Variants in WASF1 observed in about 807,000 individuals in gnomAD.
WASF1 encodes the protein WASP family member 1, also known as actin-binding protein WASF1.
Under a neutral mutation model 50.5 loss-of-function variants are expected in WASF1, and 7 were observed. The ratio of observed to expected loss-of-function variants is 0.14; its 90% CI spans 0.08 to 0.26. The LOEUF (loss-of-function observed/expected upper bound fraction) is 0.26, where lower values mean the gene tolerates loss of function less well. Among genes scored for constraint, WASF1 ranks in the 10% least tolerant of loss-of-function variants. The pLI is 1.00. For missense variants in WASF1, 470 were observed against 694.7 expected (o/e 0.68, Z 3.64); for synonymous variants, 205 against 244.0 (o/e 0.84, Z 1.49).
chr6:110,133,053 T>A (rs557957000), intron 3 of WASF1, among the ~76,000 whole-genome samples: 1 of 151,306 alleles, frequency 6.6e-6, no homozygotes, highest in African/African-American at 2.4e-5. Context: ...CTGGATGGAA[T>A]TGGAGACTAT....
intron 3 of WASF1, among the ~76,000 whole-genome samples, chr6:110,159,572 C>A (rs1015958142): frequency 1.3e-5 from 2 of 151,804 alleles, no homozygotes; most frequent in Admixed American, 6.6e-5. Flanking sequence ...CGGGCTATGG[C>A]CAGCAAACCA....
At chr6:110,120,144 C>T (rs1041596547) in intron 4 of WASF1, among the ~76,000 whole-genome samples, 4 of 152,086 alleles carry the variant, frequency 2.6e-5, no homozygotes, top group Non-Finnish European at 4.4e-5. Flanking sequence ...ACAATGATGC[C>T]GTCTCTCACC....
At chr6:110,135,986 C>A (rs1774948422) in intron 3 of WASF1, among the ~76,000 whole-genome samples, 3 of 149,478 alleles carry the variant, frequency 2.0e-5, no homozygotes, top group Admixed American at 6.8e-5. Context: ...CGGGTTCATG[C>A]CATTCTTCTG....
rs1036338037 is a variant in WASF1 at position 110,130,816 on chromosome 6, G to A, written c.-28-3187C>T. Among the ~76,000 whole-genome samples, 13 of 152,226 alleles carry A rather than the reference G, an allele frequency of 8.5e-5. No individual in the cohort carries two copies. In the East Asian group the frequency reaches 9.6e-4, roughly 11 times the overall value. On this transcript the variant is annotated intron_variant, in intron 3 of 10. Transcript: ENST00000392589. The stretch of plus-strand genomic sequence containing the variant: ...GAGACTGTACCAACACTTTACTTTC[G>A]GCAGTTAAGAGGCTGCTGCTCCACA...
chr6:110,164,846 T>C (rs763967179), intron 2 of WASF1, among the ~76,000 whole-genome samples: 2 of 151,408 alleles, frequency 1.3e-5, no homozygotes, highest in Non-Finnish European at 3.0e-5. Flanking sequence ...ACCCAAATAA[T>C]GGAATATTCA....
At chr6:110,136,008 C>T (rs960343922) in intron 3 of WASF1, among the ~76,000 whole-genome samples, 5 of 151,198 alleles carry the variant, frequency 3.3e-5, no homozygotes, top group Non-Finnish European at 7.4e-5. Context: ...CTCAGCCTCC[C>T]GAGTAGCTGG....
At chr6:110,134,329 TTA>T (rs767960662) in intron 3 of WASF1, among the ~76,000 whole-genome samples, 6 of 152,230 alleles carry the variant, frequency 3.9e-5, no homozygotes, top group African/African-American at 1.2e-4. Context: ...TTTCCCCACT[TTA>T]TGTTTTCATT....
chr6:110,151,590 A>G (rs910815689), intron 3 of WASF1, among the ~76,000 whole-genome samples: 24 of 152,176 alleles, frequency 1.6e-4, no homozygotes, highest in African/African-American at 5.8e-4. Context: ...CATCTCTTGC[A>G]CAAGTTTAAT....
intron 3 of WASF1, among the ~76,000 whole-genome samples, chr6:110,144,742 C>T (rs1775458025): frequency 2.0e-5 from 3 of 151,730 alleles, no homozygotes; most frequent in African/African-American, 7.2e-5. Flanking sequence ...ATTTCTTTAT[C>T]AGGTTTGTCA....
intron 3 of WASF1, among the ~76,000 whole-genome samples, chr6:110,149,268 C>T (rs556420090): frequency 9.5e-4 from 145 of 151,866 alleles, no homozygotes; most frequent in Non-Finnish European, 1.6e-3. Context: ...TTACCTATTT[C>T]AGCCTGAAGG....
chr6:110,124,955 G>A (rs553664745), intron 4 of WASF1, among the ~76,000 whole-genome samples: 17 of 152,176 alleles, frequency 1.1e-4, no homozygotes, highest in African/African-American at 3.9e-4. Flanking sequence ...AAAAGGTCAG[G>A]AAGATATCCA....
At chr6:110,143,083 A>C (rs902045732) in intron 3 of WASF1, among the ~76,000 whole-genome samples, 1 of 151,952 alleles carries the variant, frequency 6.6e-6, no homozygotes, top group African/African-American at 2.4e-5. Flanking sequence ...AAACTAAAGA[A>C]TATATCCCCT....
At chr6:110,132,155 C>T (rs1414868402) in intron 3 of WASF1, among the ~76,000 whole-genome samples, 1 of 151,958 alleles carries the variant, frequency 6.6e-6, no homozygotes, top group Non-Finnish European at 1.5e-5. Context: ...ACTGGAACCA[C>T]AATATATATT....
intron 7 of WASF1, 109 bp from the exon 8 acceptor site, chr6:110,105,688 C>A: frequency 9.7e-7 from 1 of 1,025,868 alleles, no homozygotes; most frequent in Non-Finnish European, 1.4e-6. Flanking sequence ...AAGACAATGT[C>A]ATCATAATAT....
intron 2 of WASF1, among the ~76,000 whole-genome samples, chr6:110,173,184 C>A (rs1290665905): frequency 6.6e-6 from 1 of 152,078 alleles, no homozygotes; most frequent in East Asian, 1.9e-4. Context: ...TTATTCCATG[C>A]CCTGACACAT....
intron 5 of WASF1, among the ~76,000 whole-genome samples, chr6:110,111,800 A>G (rs1773570690): frequency 6.6e-6 from 1 of 152,128 alleles, no homozygotes; most frequent in South Asian, 2.1e-4. Flanking sequence ...GTGACTGCTA[A>G]TGAGTACAGG....
At chr6:110,153,492 T>A (rs762916720) in intron 3 of WASF1, among the ~76,000 whole-genome samples, 1 of 152,214 alleles carries the variant, frequency 6.6e-6, no homozygotes, top group African/African-American at 2.4e-5. Context: ...AATCAATCTA[T>A]GTTGATTTCT....
At chr6:110,146,516 A>T in intron 3 of WASF1, among the ~76,000 whole-genome samples, 1 of 151,416 alleles carries the variant, frequency 6.6e-6, no homozygotes, top group East Asian at 1.9e-4. Context: ...ACTGTACATT[A>T]AAAATATATC....
At chr6:110,177,480 T>C (rs993592818) in intron 2 of WASF1, among the ~76,000 whole-genome samples, 1 of 152,134 alleles carries the variant, frequency 6.6e-6, no homozygotes, top group Non-Finnish European at 1.5e-5. Flanking sequence ...ATTTTTTCAT[T>C]GTATTTTTCA....
Sources: gnomAD v4.1 joint callset for allele counts (sites outside exome capture counted in the v4.1 genomes callset) on GRCh38, gnomAD v4.1.1 for gene constraint, MANE v1.5 for transcripts, NCBI Gene and HGNC (gene_info 2026-07-23, HGNC 2026-07-21) for gene names.